Variants in MINK1 observed in about 807,000 individuals in gnomAD.
MINK1 encodes the protein misshapen like kinase 1.
In MINK1, 46 loss-of-function variants were observed where a neutral mutation model predicts 178.4. That is an observed-to-expected ratio of 0.26 (90% CI 0.20 to 0.33). The LOEUF is 0.33. Ranked by LOEUF, MINK1 falls within the 10% of genes least tolerant of loss-of-function variation. The pLI, the probability that MINK1 is intolerant of heterozygous loss-of-function variation, is 1.00. For synonymous variants in MINK1, 797 were observed against 709.7 expected, an observed-to-expected ratio of 1.12 and a Z score of -1.96; for missense variants, 1,366 against 1,814.9, an observed-to-expected ratio of 0.75 and a Z score of 4.49.
At chr17:4,881,327 G>A (rs1967683416) in intron 4 of MINK1, 70 bp downstream of exon 4, 1 of 1,464,302 alleles carries the variant, frequency 6.8e-7, no homozygotes, top group Non-Finnish European at 9.2e-7. Context: ...CTAGGACTCA[G>A]TATCAGTGCC....
chr17:4,841,371 G>A (rs1428713638), intron 1 of MINK1, among the ~76,000 whole-genome samples: 1 of 152,090 alleles, frequency 6.6e-6, no homozygotes, highest in Admixed American at 6.6e-5. Flanking sequence ...AAGGGCTTGG[G>A]TTGCCGAATT....
intron 1 of MINK1, among the ~76,000 whole-genome samples, chr17:4,865,229 G>C (rs1009935952): frequency 6.6e-6 from 1 of 152,034 alleles, no homozygotes; most frequent in Non-Finnish European, 1.5e-5. Flanking sequence ...TCAGGAGTTC[G>C]AGACCAGCCT....
chr17:4,852,129 A>G (rs9904177), intron 1 of MINK1, among the ~76,000 whole-genome samples: 47,627 of 151,986 alleles, frequency 0.31, 8,090 homozygotes, highest in African/African-American at 0.44. Flanking sequence ...AGCTGCTCTA[A>G]TGCATTCCAC....
At chr17:4,882,919 A>G in intron 4 of MINK1, 1 of 152,116 alleles carries the variant, frequency 6.6e-6, no homozygotes, top group Non-Finnish European at 1.5e-5. Flanking sequence ...TCAGGAGTTC[A>G]AGACCAGCCT....
intron 1 of MINK1, among the ~76,000 whole-genome samples, chr17:4,872,096 G>A (rs548361166): frequency 2.6e-5 from 4 of 152,202 alleles, no homozygotes; most frequent in East Asian, 1.9e-4. Flanking sequence ...TTGGGAGGCC[G>A]AGGTGGGCGG....
chr17:4,849,554 G>T (rs1911601903), intron 1 of MINK1, among the ~76,000 whole-genome samples: 1 of 152,028 alleles, frequency 6.6e-6, no homozygotes, highest in African/African-American at 2.4e-5. Context: ...ACTCTTGCCT[G>T]TCCCTGTGGT....
chr17:4,875,500 CA>C (rs1459702233), intron 1 of MINK1: 1 of 453,596 alleles, frequency 2.2e-6, no homozygotes, highest in Non-Finnish European at 4.4e-6. Flanking sequence ...AGGCCGTGCG[CA>C]GTGGCTCACA....
chr17:4,889,623 A>T, intron 12 of MINK1, 24 bp from the exon 13 acceptor site: 1 of 1,560,118 alleles, frequency 6.4e-7, no homozygotes, highest in South Asian at 1.2e-5. Flanking sequence ...TATGGTTCTT[A>T]AGACCACCTG....
At chr17:4,875,945 G>A (rs545458073) in intron 1 of MINK1, among the ~76,000 whole-genome samples, 54 of 151,164 alleles carry the variant, frequency 3.6e-4, no homozygotes, top group Non-Finnish European at 7.2e-4. Context: ...ATAGGTGCCC[G>A]CCACCACGCC....
In MINK1 at chr17:4,896,049, C is replaced by G. The variant is rs779477428; in HGVS notation, c.3411C>G (p.Ser1137=). The change falls in exon 28 of 32, where the codon TCC becomes TCG. Residue 1137 remains serine, a synonymous_variant. Coordinates refer to ENST00000355280, the MANE Select transcript of MINK1 (RefSeq NM_153827.5). This position sits in a 1 kb window ranked among gnomAD's most constrained non-coding sequence, Gnocchi z 4.6. The part of the protein sequence containing the change: ...IKFLVIALKS[S]VEVYAWAPKP... Reference sequence around the variant, plus strand: ...TCCTGGTCATCGCCCTCAAGAGCTCCGTGGAGGTGTATGCCTGGGCCCCCA... The same window carrying G: ...TCCTGGTCATCGCCCTCAAGAGCTCGGTGGAGGTGTATGCCTGGGCCCCCA... 1 of 1,607,270 alleles carries G rather than the reference C, an allele frequency of 6.2e-7. No homozygotes were observed. The highest frequency in any genetic ancestry group is 1.1e-5 in the South Asian group (1 of 89,742).
chr17:4,867,768 C>T (rs79128545), intron 1 of MINK1, among the ~76,000 whole-genome samples: 15,840 of 150,878 alleles, frequency 0.1, 1,566 homozygotes, highest in East Asian at 0.5. Flanking sequence ...GCCAAGATGG[C>T]GCCATTGCAC....
At position 4,894,764 on chromosome 17, in the gene MINK1, C is replaced by A; in HGVS notation, c.2917+131C>A. ...CTCTCCCTTGGGCCCTAGCACCTGC[C>A]TGGGCACAGAGGCAAGGAAGAGCCT... On this transcript the variant is annotated intron_variant, in intron 24 of 31. Transcript: ENST00000355280. The surrounding 1 kb of genome is among the most constrained non-coding windows in gnomAD (Gnocchi z 4.1). 1.4e-6 allele frequency: 1 copy of A among 738,472 alleles called. No homozygotes were observed. The highest frequency in any genetic ancestry group is 2.3e-6 in the Non-Finnish European group (1 of 438,252). The allele number at this position is 738,472 out of a possible 1,614,324, so 45.7% of individuals were successfully genotyped here.
chr17:4,890,140 T>C lies in MINK1; in HGVS notation c.1347+377T>C, dbSNP rs184581558. Reference sequence around the variant, plus strand: ...ATTCTCCTGCGGATCCCTTCCTCCTTCTCCAACTCGCTGCTGCTGCCCTCC... The same window carrying C: ...ATTCTCCTGCGGATCCCTTCCTCCTCCTCCAACTCGCTGCTGCTGCCCTCC... On this transcript the variant is annotated intron_variant, in intron 13 of 31. Transcript: ENST00000355280. 2.0e-4 allele frequency: 107 copies of C among 547,138 alleles called. No individual in the cohort carries two copies. The East Asian group carries it at 2.5e-3, about 13-fold the overall frequency. 33.9% of individuals were successfully genotyped at this position (547,138 alleles called of 1,614,324 possible). A position where few individuals can be genotyped will look rare whatever the true frequency, so the allele number is the denominator to read the frequency against.
intron 1 of MINK1, among the ~76,000 whole-genome samples, chr17:4,854,115 C>T (rs887889252): frequency 2.0e-5 from 3 of 152,122 alleles, no homozygotes; most frequent in African/African-American, 7.2e-5. Context: ...TCCCTTTCCC[C>T]ACTTCCCCGG....
chr17:4,848,167 C>T (rs981969393), intron 1 of MINK1, among the ~76,000 whole-genome samples: 1 of 152,150 alleles, frequency 6.6e-6, no homozygotes, highest in African/African-American at 2.4e-5. Flanking sequence ...GGAGGAAGAG[C>T]AGTCAGAACC....
intron 15 of MINK1, 81 bp from the exon 16 acceptor site, chr17:4,891,375 C>T (rs1968794897): frequency 6.7e-7 from 1 of 1,482,040 alleles, no homozygotes; most frequent in Non-Finnish European, 9.0e-7. Context: ...AGCTAAAGTC[C>T]TTTCCCACCC....
chr17:4,887,002 T>A lies in MINK1; in HGVS notation c.950-108T>A, dbSNP rs974368540. The A allele has an allele frequency of 4.1e-6, 5 of 1,223,188 alleles. No homozygotes were observed. Among genetic ancestry groups the A allele is most frequent in the Non-Finnish European group, 4.6e-6 (4 of 869,780 alleles). 75.8% of individuals were successfully genotyped at this position (1,223,188 alleles called of 1,614,324 possible). The stretch of plus-strand genomic sequence containing the variant: ...GCCCCCAGGAAGTGGGTGGGGCCCC[T>A]CATGCTTGCCCAGCCAGAGAGACCT... On this transcript the variant is annotated intron_variant, in intron 10 of 31. Transcript: ENST00000355280. This position sits in a 1 kb window ranked among gnomAD's most constrained non-coding sequence, Gnocchi z 7.6.
At position 4,897,178 on chromosome 17, in the gene MINK1, G is replaced by A. The variant is rs372298092; in HGVS notation, c.3916-26G>A. On this transcript the variant is annotated intron_variant, in intron 31 of 31. Coordinates refer to ENST00000355280, the MANE Select transcript of MINK1 (RefSeq NM_153827.5). ...GACACCCCCCCAACCTCAGCCCTTGGTGACTTCTTCTCCTGCCCCACCCAG... is the reference window on the plus strand; with the variant it reads ...GACACCCCCCCAACCTCAGCCCTTGATGACTTCTTCTCCTGCCCCACCCAG... 6.8e-4 allele frequency: 1,100 copies of A among 1,606,672 alleles called. 1 individual carries two copies. Among genetic ancestry groups the A allele is most frequent in the Admixed American group, 1.1e-3 (63 of 59,280 alleles).
intron 2 of MINK1, among the ~76,000 whole-genome samples, chr17:4,879,376 T>A (rs1034846504): frequency 6.6e-6 from 1 of 152,240 alleles, no homozygotes; most frequent in East Asian, 1.9e-4. Context: ...CACAAGTCTC[T>A]TCTACATCTC....
Sources: gnomAD v4.1 joint callset for allele counts (sites outside exome capture counted in the v4.1 genomes callset) on GRCh38, gnomAD v4.1.1 for gene constraint, Gnocchi (gnomAD v3.1) non-coding constraint, MANE v1.5 for transcripts, NCBI Gene and HGNC (gene_info 2026-07-23, HGNC 2026-07-21) for gene names.